Variants in DPH6 observed in about 807,000 individuals in gnomAD.
DPH6 encodes the protein diphthamine biosynthesis 6, also known as diphthine--ammonia ligase.
A neutral mutation model predicts 38.2 loss-of-function variants in DPH6; 33 were observed. The ratio of observed to expected loss-of-function variants is 0.86; its 90% CI spans 0.65 to 1.15. The LOEUF (loss-of-function observed/expected upper bound fraction) is 1.15. DPH6 is among the 50% of genes most tolerant of loss of function. The pLI is 0.00. For synonymous variants in DPH6, 108 were observed against 103.0 expected (o/e 1.05, Z -0.30); for missense variants, 325 against 320.0 (o/e 1.02, Z -0.12).
intron 3 of DPH6, among the ~76,000 whole-genome samples, chr15:35,497,092 TTAGA>T (rs536077941): frequency 1.7e-3 from 264 of 152,236 alleles, no homozygotes; most frequent in Non-Finnish European, 3.3e-3. Flanking sequence ...ATTTTATGTT[TTAGA>T]TAGTTTATTT....
At chr15:35,149,717 T>A in the DPH6 span, among the ~76,000 whole-genome samples, 2 of 152,220 alleles carry the variant, frequency 1.3e-5, no homozygotes, top group Admixed American at 1.3e-4. Flanking sequence ...CTGAGCCTTT[T>A]ATAGAATTTG....
chr15:35,266,063 A>G (rs539498546), intron 3 of DPH6, among the ~76,000 whole-genome samples: 1 of 152,322 alleles, frequency 6.6e-6, no homozygotes, highest in South Asian at 2.1e-4. Flanking sequence ...TTGTAAAAGT[A>G]TGTGTAATCT....
chr15:35,365,992 G>A (rs927866768), downstream of DPH6: 7 of 985,138 alleles, frequency 7.1e-6, no homozygotes, highest in African/African-American at 1.0e-4. Context: ...AAGGTGGGGA[G>A]AGACAGGGTA....
At chr15:35,394,942 G>C (rs150606700) in intron 6 of DPH6, among the ~76,000 whole-genome samples, 1 of 152,132 alleles carries the variant, frequency 6.6e-6, no homozygotes, top group East Asian at 1.9e-4. Flanking sequence ...TTGACTCTTC[G>C]TAATATCCTG....
Position 35,459,815 on chromosome 15 carries a change from A to T in DPH6, c.313-4995T>A, listed in dbSNP as rs115940712. Among the ~76,000 whole-genome samples, 1,477 of 152,300 alleles carry T rather than the reference A, an allele frequency of 9.7e-3. 37 individuals are homozygous for T. Among genetic ancestry groups the T allele is most frequent in the African/African-American group, 0.034 (1,400 of 41,542 alleles). The stretch of plus-strand genomic sequence containing the variant: ...CACAAATATACAGAAAATTTTGATG[A>T]AAAGGCAAGGACAAAGTAACAACAT... On this transcript the variant is annotated intron_variant, in intron 3 of 8. Coordinates refer to ENST00000256538, the MANE Select transcript of DPH6 (RefSeq NM_080650.4).
chr15:35,154,567 G>A, the DPH6 span, among the ~76,000 whole-genome samples: 1 of 152,146 alleles, frequency 6.6e-6, no homozygotes, highest in African/African-American at 2.4e-5. Flanking sequence ...CATAGTAGGT[G>A]CTCAAGTAGC....
At chr15:35,518,965 A>G (rs1181046730) in intron 3 of DPH6, 1 of 151,976 alleles carries the variant, frequency 6.6e-6, no homozygotes, top group Non-Finnish European at 1.5e-5. Context: ...TCAATATTAC[A>G]TAGTGAATAC....
chr15:35,334,039 G>A (rs1218318099), intron 3 of DPH6, among the ~76,000 whole-genome samples: 2 of 151,986 alleles, frequency 1.3e-5, no homozygotes, highest in African/African-American at 4.8e-5. Context: ...ACCAAACACG[G>A]ATCTAAATAC....
At chr15:35,369,774 A>T (rs184344625), downstream of DPH6, among the ~76,000 whole-genome samples, 2 of 152,002 alleles carry the variant, frequency 1.3e-5, no homozygotes, top group Admixed American at 6.6e-5. Flanking sequence ...TTCATGGATA[A>T]AAAGACTCAA....
At chr15:35,513,745 GACT>G (rs1020113914) in intron 3 of DPH6, among the ~76,000 whole-genome samples, 2 of 151,794 alleles carry the variant, frequency 1.3e-5, no homozygotes, top group South Asian at 2.1e-4. Flanking sequence ...CAGATACAGA[GACT>G]ACTATTTTCT....
chr15:35,304,454 A>C (rs891324950), intron 3 of DPH6, among the ~76,000 whole-genome samples: 1 of 152,138 alleles, frequency 6.6e-6, no homozygotes. Flanking sequence ...ACATGATTGC[A>C]AAGAGAAGTC....
chr15:35,261,306 C>G (rs1182388675), intron 3 of DPH6, among the ~76,000 whole-genome samples: 2 of 152,198 alleles, frequency 1.3e-5, no homozygotes, highest in Non-Finnish European at 2.9e-5. Context: ...TTCAGCTGAT[C>G]TGAAGTCCAG....
intron 6 of DPH6, among the ~76,000 whole-genome samples, chr15:35,406,272 T>C (rs1007058976): frequency 6.6e-6 from 1 of 151,998 alleles, no homozygotes; most frequent in Non-Finnish European, 1.5e-5. Context: ...AAACCATCGA[T>C]AGTTCAAAAT....
chr15:35,321,238 C>T (rs1183221439), intron 3 of DPH6, among the ~76,000 whole-genome samples: 1 of 152,238 alleles, frequency 6.6e-6, no homozygotes, highest in African/African-American at 2.4e-5. Flanking sequence ...GAACTAAATT[C>T]CTCCCATGGT....
At chr15:35,300,873 C>T (rs753149825) in intron 3 of DPH6, among the ~76,000 whole-genome samples, 10 of 152,156 alleles carry the variant, frequency 6.6e-5, no homozygotes, top group Admixed American at 1.3e-4. Context: ...TCCTGTACTT[C>T]ACCCCACTAC....
At chr15:35,285,872 G>GTTGTTTTTTTTT (rs1555391170) in intron 3 of DPH6, among the ~76,000 whole-genome samples, 1 of 52,794 alleles carries the variant, frequency 1.9e-5, no homozygotes, top group African/African-American at 7.5e-5. Context: ...TTATCTTTGA[G>GTTGTTTTTTTTT]TTTTTTTTTT....
At chr15:35,485,570 T>C (rs760130080) in intron 3 of DPH6, among the ~76,000 whole-genome samples, 1 of 152,204 alleles carries the variant, frequency 6.6e-6, no homozygotes, top group Non-Finnish European at 1.5e-5. Context: ...TTTGTTTCAA[T>C]TATCCATTGT....
intron 3 of DPH6, among the ~76,000 whole-genome samples, chr15:35,263,238 A>G (rs2051760524): frequency 6.6e-6 from 1 of 152,148 alleles, no homozygotes; most frequent in African/African-American, 2.4e-5. Flanking sequence ...ACATCTCATT[A>G]ATCTTCACAA....
chr15:35,418,829 A>G lies in DPH6; in HGVS notation c.506-7933T>C, dbSNP rs142230221. ...TTATCTCTTCAGTACAGCCCAATAC[A>G]TGAAGAGAGAGACATCACAAAATGG... On this transcript the variant is annotated intron_variant, in intron 5 of 8. Transcript: ENST00000256538. Among the ~76,000 whole-genome samples the G allele has an allele frequency of 9.3e-4, 142 of 152,206 alleles. 1 individual carries two copies. Among genetic ancestry groups the G allele is most frequent in the African/African-American group, 3.2e-3 (135 of 41,548 alleles).
Sources: gnomAD v4.1 joint callset for allele counts (sites outside exome capture counted in the v4.1 genomes callset) on GRCh38, gnomAD v4.1.1 for gene constraint, MANE v1.5 for transcripts, NCBI Gene and HGNC (gene_info 2026-07-23, HGNC 2026-07-21) for gene names.